AKAP6: variants seen among roughly 807,000 people sequenced by gnomAD.
AKAP6 encodes A-kinase anchor protein 6.
AKAP6 carries 58 observed loss-of-function variants against 188.5 expected under a neutral mutation model. The ratio of observed to expected loss-of-function variants is 0.31; its 90% CI spans 0.25 to 0.38. AKAP6 has a LOEUF of 0.38. Among genes scored for constraint, AKAP6 ranks in the 10% least tolerant of loss-of-function variants. AKAP6 has a pLI of 1.00. For synonymous variants in AKAP6, 989 were observed against 998.6 expected (o/e 0.99, Z 0.18); for missense variants, 2,710 against 2,740.0 (o/e 0.99, Z 0.24).
intron 2 of AKAP6, among the ~76,000 whole-genome samples, chr14:32,523,104 A>C (rs1881932254): frequency 6.7e-6 from 1 of 148,474 alleles, no homozygotes; most frequent in African/African-American, 2.5e-5. Context: ...GCATGTTCTC[A>C]CTCATAGGTG....
At chr14:32,541,537 T>C (rs938767474) in intron 3 of AKAP6, among the ~76,000 whole-genome samples, 1 of 152,132 alleles carries the variant, frequency 6.6e-6, no homozygotes, top group African/African-American at 2.4e-5. Context: ...ACCTGGACTC[T>C]CAAATTTCTT....
At chr14:32,828,849 A>AT (rs1424592676) in intron 13 of AKAP6, among the ~76,000 whole-genome samples, 11 of 152,012 alleles carry the variant, frequency 7.2e-5, no homozygotes, top group Admixed American at 7.2e-4. Context: ...TCTTTATCTA[A>AT]TTTTTCTTCT....
chr14:32,735,619 T>C (rs41285498), intron 10 of AKAP6, 39 bp from the exon 11 acceptor site: 202,403 of 1,431,994 alleles, frequency 0.14, 15,558 homozygotes, highest in Middle Eastern at 0.18. Flanking sequence ...TTTTTTTGTT[T>C]GTTTGTTTTA....
chr14:32,800,812 C>T (rs1042878980), intron 12 of AKAP6, among the ~76,000 whole-genome samples: 2 of 151,906 alleles, frequency 1.3e-5, no homozygotes, highest in African/African-American at 2.4e-5. Context: ...CTCAGAAATT[C>T]GAGACCAACC....
At chr14:32,335,431 A>G (rs906577322) in intron 1 of AKAP6, among the ~76,000 whole-genome samples, 2 of 152,040 alleles carry the variant, frequency 1.3e-5, no homozygotes, top group Non-Finnish European at 2.9e-5. Flanking sequence ...CAGACTCCCC[A>G]CTTCCTCCTA....
At chr14:32,488,963 T>C (rs1019165598) in intron 2 of AKAP6, among the ~76,000 whole-genome samples, 1 of 152,240 alleles carries the variant, frequency 6.6e-6, no homozygotes, top group African/African-American at 2.4e-5. Flanking sequence ...TTCGGCCATC[T>C]TTCCCGGTAA....
chr14:32,778,413 A>T (rs1337831573), intron 12 of AKAP6, among the ~76,000 whole-genome samples: 1 of 152,186 alleles, frequency 6.6e-6, no homozygotes, highest in African/African-American at 2.4e-5. Flanking sequence ...AAAATATTGC[A>T]ACGGCCAGGA....
chr14:32,514,067 T>C (rs1881393529), intron 2 of AKAP6, among the ~76,000 whole-genome samples: 1 of 152,168 alleles, frequency 6.6e-6, no homozygotes, highest in African/African-American at 2.4e-5. Flanking sequence ...TAGAAAAGAA[T>C]CCTGTGAATA....
At chr14:32,421,331 T>C (rs1056784230) in intron 1 of AKAP6, among the ~76,000 whole-genome samples, 6 of 80,198 alleles carry the variant, frequency 7.5e-5, no homozygotes, top group Non-Finnish European at 1.5e-4. Context: ...CCTCCTGCAA[T>C]AGTCACTAAT....
chr14:32,480,650 T>A (rs1879294730), intron 2 of AKAP6, among the ~76,000 whole-genome samples: 1 of 152,148 alleles, frequency 6.6e-6, no homozygotes, highest in Non-Finnish European at 1.5e-5. Flanking sequence ...TGTTTTCATT[T>A]ATCATTTATT....
At chr14:32,659,762 CAA>C (rs143168930) in intron 7 of AKAP6, among the ~76,000 whole-genome samples, 1,931 of 152,034 alleles carry the variant, frequency 0.013, 19 homozygotes, top group Non-Finnish European at 0.018. Flanking sequence ...TAAGTATATA[CAA>C]ATAGATTACA....
rs201616651 is a variant in AKAP6, at chr14:32,338,046, GT to G, written c.-35+8646del. On this transcript the variant is annotated intron_variant, in intron 1 of 13. Coordinates refer to ENST00000280979, the MANE Select transcript of AKAP6 (RefSeq NM_004274.5). ...AACAAAACAAGACACGTTTTACTCT[GT>G]TTTTTTTGTGTTTGTTTGGTTTTTT... 1.7e-4 allele frequency among the ~76,000 whole-genome samples: 26 copies of G among 151,336 alleles called. 1 individual carries two copies. The highest frequency in any genetic ancestry group is 4.4e-5 in the Non-Finnish European group (3 of 67,828).
intron 1 of AKAP6, among the ~76,000 whole-genome samples, chr14:32,389,762 C>G (rs1888649321): frequency 5.9e-5 from 9 of 152,132 alleles, no homozygotes; most frequent in Admixed American, 5.9e-4. Flanking sequence ...GTGCTTTTGT[C>G]TCACAGCTCT....
At chr14:32,434,128 A>C in intron 2 of AKAP6, 1 of 264,136 alleles carries the variant, frequency 3.8e-6, no homozygotes, top group Non-Finnish European at 7.3e-6. Flanking sequence ...ACTCTTACAA[A>C]GGGTTTAATA....
intron 2 of AKAP6, among the ~76,000 whole-genome samples, chr14:32,435,794 T>C (rs1428859503): frequency 6.6e-6 from 1 of 152,216 alleles, no homozygotes; most frequent in African/African-American, 2.4e-5. Context: ...CCTTTCCACA[T>C]TGAGTTCAAA....
At chr14:32,751,644 G>T (rs571101638) in intron 11 of AKAP6, among the ~76,000 whole-genome samples, 14 of 151,126 alleles carry the variant, frequency 9.3e-5, no homozygotes, top group African/African-American at 2.7e-4. Context: ...CCTGCTCTGC[G>T]CATATTGAAT....
Position 32,824,196 on chromosome 14 carries a change from A to G in AKAP6, c.6383A>G (p.Tyr2128Cys), listed in dbSNP as rs2034613284. 19 of 1,613,954 alleles carry G rather than the reference A, an allele frequency of 1.2e-5. No individual in the cohort carries two copies. Among genetic ancestry groups the G allele is most frequent in the Non-Finnish European group, 1.6e-5 (19 of 1,179,950 alleles). ...HDSDCGEVTN[Y>C]IEEKSSTPLP... ...AGTGATTGTGGGGAGGTCACCAATTACATAGAAGAGAAAAGCAGCACTCCA... is the reference window on the plus strand; with the variant it reads ...AGTGATTGTGGGGAGGTCACCAATTGCATAGAAGAGAAAAGCAGCACTCCA... Residue 2128 changes from tyrosine (Y) to cysteine (C), a missense_variant, in exon 13 of 14, where the codon TAC (tyrosine) becomes TGC (cysteine). Transcript: ENST00000280979.
Position 32,354,422 on chromosome 14 carries a change from A to G in AKAP6, c.-35+25014A>G, listed in dbSNP as rs56232509. On this transcript the variant is annotated intron_variant, in intron 1 of 13. Coordinates refer to ENST00000280979, the MANE Select transcript of AKAP6 (RefSeq NM_004274.5). ...CCCATTCTGTGAAATGGGGATAATT[A>G]TACTACCTAAACTGGCAGTACTAAA... Among the ~76,000 whole-genome samples, 5 of 139,512 alleles carry G rather than the reference A, an allele frequency of 3.6e-5. No homozygotes were observed. In the East Asian group the frequency reaches 9.2e-4, roughly 26 times the overall value. 91.5% of individuals were successfully genotyped at this position (139,512 alleles called of 152,430 possible).
At chr14:32,799,922 A>G (rs1002650263) in intron 12 of AKAP6, among the ~76,000 whole-genome samples, 4 of 151,726 alleles carry the variant, frequency 2.6e-5, no homozygotes, top group Non-Finnish European at 5.9e-5. Flanking sequence ...GAAATATCCA[A>G]CAATAGGCTG....
Sources: gnomAD v4.1 joint callset for allele counts (sites outside exome capture counted in the v4.1 genomes callset) on GRCh38, gnomAD v4.1.1 for gene constraint, MANE v1.5 for transcripts, NCBI Gene and HGNC (gene_info 2026-07-23, HGNC 2026-07-21) for gene names.